Variants in TMEM63A observed in about 807,000 individuals in gnomAD.
TMEM63A encodes the protein transmembrane protein 63A, also known as mechanosensitive cation channel TMEM63A.
In TMEM63A, 76 loss-of-function variants were observed where a neutral mutation model predicts 100.6. The ratio of observed to expected loss-of-function variants is 0.76; its 90% CI spans 0.63 to 0.91. The LOEUF is 0.91. Among genes scored for constraint, TMEM63A ranks in the 40% least tolerant of loss-of-function variants. The pLI is 0.00. For missense variants in TMEM63A, 876 were observed against 1,008.8 expected (o/e 0.87, Z 1.78); for synonymous variants, 401 against 401.1 (o/e 1.00, Z 0.00).
At chr1:225,848,022 G>A (rs963045899) in intron 23 of TMEM63A, among the ~76,000 whole-genome samples, 5 of 152,196 alleles carry the variant, frequency 3.3e-5, no homozygotes, top group African/African-American at 1.2e-4. Flanking sequence ...GGAGCCCTGT[G>A]TCTCTCTACC....
At position 225,846,946 on chromosome 1, in the gene TMEM63A, G is replaced by T; in HGVS notation, c.*7-14C>A. ...GAGCAGTGAGACCTAAAACAGATGG[G>T]AAGAAGTCATGAACTTGGGAGTCAG... On this transcript the variant is annotated splice_polypyrimidine_tract_variant and intron_variant, in intron 24 of 24. Transcript: ENST00000366835. 1 of 1,420,320 alleles carries T rather than the reference G, an allele frequency of 7.0e-7. No individual in the cohort carries two copies. The highest frequency in any genetic ancestry group is 9.4e-7 in the Non-Finnish European group (1 of 1,067,706). 88.0% of individuals were successfully genotyped at this position (1,420,320 alleles called of 1,614,324 possible). A position where few individuals can be genotyped will look rare whatever the true frequency, so the allele number is the denominator to read the frequency against.
In TMEM63A at chr1:225,845,553, T is replaced by G. The variant is rs1668906131; in HGVS notation, c.*1386A>C. On this transcript the variant is annotated 3_prime_UTR_variant, in exon 25 of 25. Coordinates refer to ENST00000366835, the MANE Select transcript of TMEM63A (RefSeq NM_014698.3). Reference sequence around the variant, plus strand: ...AACATGGCTTTGATGATAAACGACTTTACTCTAAAAGCGGCTGGAACTCAG... The same window carrying G: ...AACATGGCTTTGATGATAAACGACTGTACTCTAAAAGCGGCTGGAACTCAG... 3.2e-6 allele frequency: 2 copies of G among 615,548 alleles called. No individual in the cohort carries two copies. Among genetic ancestry groups the G allele is most frequent in the Non-Finnish European group, 5.7e-6 (2 of 350,740 alleles). 38.1% of individuals were successfully genotyped at this position (615,548 alleles called of 1,614,324 possible).
At chr1:225,872,789 G>A (rs370551576) in intron 4 of TMEM63A, among the ~76,000 whole-genome samples, 9 of 150,858 alleles carry the variant, frequency 6.0e-5, no homozygotes, top group East Asian at 5.8e-4. Context: ...CTGCCACCCG[G>A]GTTCAAGCAA....
At position 225,862,203 on chromosome 1, in the gene TMEM63A, T is replaced by C. The variant is rs749871524; in HGVS notation, c.1085+15A>G. 4 of 1,613,174 alleles carry C rather than the reference T, an allele frequency of 2.5e-6. No homozygotes were observed. Among genetic ancestry groups the C allele is most frequent in the Non-Finnish European group, 2.5e-6 (3 of 1,179,942 alleles). ...GGAGTCAGCCAAGAAGGGGTCTGGA[T>C]GTGCCTACACTCACTAGGTGGCCAT... is the stretch of plus-strand genomic sequence containing the variant. On this transcript the variant is annotated intron_variant, in intron 13 of 24. Coordinates refer to ENST00000366835, the MANE Select transcript of TMEM63A (RefSeq NM_014698.3). This position sits in a 1 kb window ranked among gnomAD's most constrained non-coding sequence, Gnocchi z 5.1.
chr1:225,844,936 G>A (rs1668809104), downstream of TMEM63A, among the ~76,000 whole-genome samples: 1 of 152,166 alleles, frequency 6.6e-6, no homozygotes, highest in Non-Finnish European at 1.5e-5. Flanking sequence ...TTTAGAGGCT[G>A]TCCCATGCCC....
At position 225,845,962 on chromosome 1, in the gene TMEM63A, C is replaced by T. The variant is rs45507694; in HGVS notation, c.*977G>A. On this transcript the variant is annotated 3_prime_UTR_variant, in exon 25 of 25. Transcript: ENST00000366835. ...CCGCCCCTACTGCACAGGCTTGTGC[C>T]TTGGTGCCCCCTGGAGGCAGCAGGG... 5.5e-3 allele frequency: 875 copies of T among 159,356 alleles called. 4 individuals are homozygous for T. Among genetic ancestry groups the T allele is most frequent in the Non-Finnish European group, 8.2e-3 (591 of 72,066 alleles). 9.9% of individuals were successfully genotyped at this position (159,356 alleles called of 1,614,324 possible).
rs770427464 is a variant in TMEM63A at position 225,865,073 on chromosome 1, T to C, written c.746+824A>G. 1.3e-5 allele frequency: 2 copies of C among 152,070 alleles called. No homozygotes were observed. The highest frequency in any genetic ancestry group is 2.9e-5 in the Non-Finnish European group (2 of 68,038). The allele number at this position is 152,070 out of a possible 1,614,324, so 9.4% of individuals were successfully genotyped here. ...GAGTTGAGGCCGCAGTAAGCTATTA[T>C]TGCACTACTGAACTCTAGCCTGGGC... On this transcript the variant is annotated intron_variant, in intron 10 of 24. Transcript: ENST00000366835. The surrounding 1 kb of genome is among the most constrained non-coding windows in gnomAD (Gnocchi z 4.6).
chr1:225,860,390 CATTTTAA>C (rs1669878925), intron 14 of TMEM63A: 3 of 152,660 alleles, frequency 2.0e-5, no homozygotes, highest in African/African-American at 7.2e-5. Context: ...GGCTACTGAG[CATTTTAA>C]ATGTGGCTGG....
In TMEM63A at chr1:225,853,816, G is replaced by C. The variant is rs761746544; in HGVS notation, c.1635-25C>G. 2.4e-5 allele frequency: 38 copies of C among 1,567,568 alleles called. No individual in the cohort carries two copies. The highest frequency in any genetic ancestry group is 2.9e-5 in the Non-Finnish European group (33 of 1,157,372). Reference sequence around the variant, plus strand: ...CCTGGGGAAACCAGGGCCCAGGTCTGTGAGCTGAGAGCCGCTCTTGGAGGG... The same window carrying C: ...CCTGGGGAAACCAGGGCCCAGGTCTCTGAGCTGAGAGCCGCTCTTGGAGGG... On this transcript the variant is annotated intron_variant, in intron 18 of 24. Transcript: ENST00000366835. This position sits in a 1 kb window ranked among gnomAD's most constrained non-coding sequence, Gnocchi z 4.0.
In TMEM63A at chr1:225,848,318, T is replaced by A. The variant is rs374495243; in HGVS notation, c.2250+174A>T. ...TCCTCAACAGTTTCAAATATGCAGG[T>A]TAAAATACCCAGGGGGACCAGGATT... On this transcript the variant is annotated intron_variant, in intron 23 of 24. Coordinates refer to ENST00000366835, the MANE Select transcript of TMEM63A (RefSeq NM_014698.3). The A allele has an allele frequency of 1.1e-3, 720 of 647,372 alleles. 8 individuals carry two copies. The South Asian group carries it at 0.014, about 12-fold the overall frequency. 40.1% of individuals were successfully genotyped at this position (647,372 alleles called of 1,614,324 possible). A position where few individuals can be genotyped will look rare whatever the true frequency, so the allele number is the denominator to read the frequency against.
downstream of TMEM63A, among the ~76,000 whole-genome samples, chr1:225,841,804 A>G (rs1207066761): frequency 6.6e-6 from 1 of 151,474 alleles, no homozygotes; most frequent in Non-Finnish European, 1.5e-5. Flanking sequence ...GGGTTTCACC[A>G]TGTCAGCCAG....
Position 225,853,828 on chromosome 1 carries a change from C to A in TMEM63A, c.1635-37G>T. 1.3e-6 allele frequency: 2 copies of A among 1,543,524 alleles called. No homozygotes were observed. Among genetic ancestry groups the A allele is most frequent in the Non-Finnish European group, 1.7e-6 (2 of 1,145,018 alleles). The stretch of plus-strand genomic sequence containing the variant: ...AGGGCCCAGGTCTGTGAGCTGAGAG[C>A]CGCTCTTGGAGGGAGAGGAGGGGCC... On this transcript the variant is annotated intron_variant, in intron 18 of 24. Transcript: ENST00000366835. The surrounding 1 kb of genome is among the most constrained non-coding windows in gnomAD (Gnocchi z 4.0).
Position 225,867,256 on chromosome 1 carries a change from G to A in TMEM63A, c.515-93C>T. 7.9e-7 allele frequency: 1 copy of A among 1,267,110 alleles called. No homozygotes were observed. The highest frequency in any genetic ancestry group is 1.2e-6 in the Non-Finnish European group (1 of 865,444). The allele number at this position is 1,267,110 out of a possible 1,614,324, so 78.5% of individuals were successfully genotyped here. On this transcript the variant is annotated intron_variant, in intron 7 of 24. Transcript: ENST00000366835. This position sits in a 1 kb window ranked among gnomAD's most constrained non-coding sequence, Gnocchi z 4.6. ...GCCTTGGTTTGTGGAGCTCTGGGGA[G>A]GAGGAGCATGTCTGGACCAGCAGGA...
downstream of TMEM63A, among the ~76,000 whole-genome samples, chr1:225,843,213 T>TCA (rs67980932): frequency 2.4e-5 from 1 of 41,506 alleles, no homozygotes; most frequent in East Asian, 9.5e-4. Flanking sequence ...GAAGGAGGAT[T>TCA]CTTTGTCTAA....
chr1:225,866,109 G>A lies in TMEM63A; in HGVS notation c.676-142C>T, dbSNP rs532388716. 4.6e-5 allele frequency: 37 copies of A among 811,970 alleles called. No individual in the cohort carries two copies. In the African/African-American group the frequency reaches 5.7e-4, roughly 13 times the overall value. The allele number at this position is 811,970 out of a possible 1,614,324, so 50.3% of individuals were successfully genotyped here. A position where few individuals can be genotyped will look rare whatever the true frequency, so the allele number is the denominator to read the frequency against. On this transcript the variant is annotated intron_variant, in intron 9 of 24. Coordinates refer to ENST00000366835, the MANE Select transcript of TMEM63A (RefSeq NM_014698.3). ...CAGTTTTCTCCTTCTGTGGCCGGGG[G>A]AGCCCCCAAAGCATGTCATTTACAC... is the stretch of plus-strand genomic sequence containing the variant.
At chr1:225,842,115 C>G (rs1559026260), downstream of TMEM63A, among the ~76,000 whole-genome samples, 1 of 152,252 alleles carries the variant, frequency 6.6e-6, no homozygotes, top group Non-Finnish European at 1.5e-5. Flanking sequence ...TTGAAGGAAG[C>G]TGAGCAGGCA....
Position 225,855,899 on chromosome 1 carries a change from G to A in TMEM63A, c.1613C>T (p.Ser538Leu), listed in dbSNP as rs757608415. ...TCACTCCAACCTGATGGAGGCCTCC[G>A]AGGAAGTTTTGTCAAAGAGCCACCG... ...FFRWLFDKTS[S>L]EASIRLECVF... The change falls in exon 18 of 25, where the codon TCG (serine) becomes TTG (leucine). Residue 538 changes from serine to leucine, a missense_variant. By Grantham distance (145) the Ser-to-Leu change is moderately radical. Transcript: ENST00000366835. The A allele has an allele frequency of 1.9e-5, 31 of 1,613,924 alleles. No homozygotes were observed. In the South Asian group the frequency reaches 2.1e-4, roughly 11 times the overall value.
chr1:225,857,055 C>T lies in TMEM63A; in HGVS notation c.1378-38G>A, dbSNP rs756053507. The T allele has an allele frequency of 2.6e-6, 4 of 1,521,602 alleles. No individual in the cohort carries two copies. In the South Asian group the frequency reaches 5.2e-5, roughly 20 times the overall value. The allele number at this position is 1,521,602 out of a possible 1,614,324, so 94.3% of individuals were successfully genotyped here. A position where few individuals can be genotyped will look rare whatever the true frequency, so the allele number is the denominator to read the frequency against. On this transcript the variant is annotated intron_variant, in intron 15 of 24. Transcript: ENST00000366835. ...TCCACAGCAGAGAGAGTCACAGGGG[C>T]CGTGGGCCACGCGGCTCTGAGGCCA...
At chr1:225,844,338 C>T (rs56185407), downstream of TMEM63A, among the ~76,000 whole-genome samples, 833 of 152,202 alleles carry the variant, frequency 5.5e-3, 7 homozygotes, top group Middle Eastern at 0.037. Flanking sequence ...GTGCCCTGGG[C>T]GCAGCCTGCC....
Sources: allele counts gnomAD v4.1 joint callset (sites outside exome capture counted in the v4.1 genomes callset), GRCh38; gene constraint gnomAD v4.1.1; non-coding constraint Gnocchi (gnomAD v3.1); transcripts MANE v1.5; gene names NCBI Gene and HGNC (gene_info 2026-07-23, HGNC 2026-07-21).